ZNF76: variants seen among roughly 807,000 people sequenced by gnomAD.
ZNF76 encodes zinc finger protein 76.
Under a neutral mutation model 66.9 loss-of-function variants are expected in ZNF76, and 66 were observed. The observed-to-expected ratio is 0.99, with a 90% confidence interval of 0.81 to 1.21. The LOEUF (loss-of-function observed/expected upper bound fraction) is 1.21, where lower values mean the gene tolerates loss of function less well. Ranked by LOEUF, ZNF76 falls within the 50% of genes most tolerant of loss-of-function variation. The pLI, the probability that ZNF76 is intolerant of heterozygous loss-of-function variation, is 0.00. For synonymous variants in ZNF76, 275 were observed against 296.1 expected, an observed-to-expected ratio of 0.93 and a Z score of 0.73; for missense variants, 729 against 760.3, an observed-to-expected ratio of 0.96 and a Z score of 0.48.
intron 1 of ZNF76, among the ~76,000 whole-genome samples, chr6:35,275,980 G>A (rs1199644613): frequency 6.6e-6 from 1 of 152,180 alleles, no homozygotes; most frequent in Non-Finnish European, 1.5e-5. Context: ...AGAAGTATGG[G>A]CTCTGGGGCC....
intron 1 of ZNF76, among the ~76,000 whole-genome samples, chr6:35,276,587 T>G (rs1297312790): frequency 6.6e-6 from 1 of 152,182 alleles, no homozygotes; most frequent in African/African-American, 2.4e-5. Flanking sequence ...AACCCAGACC[T>G]GACTTCAGAG....
chr6:35,290,777 CT>C lies in ZNF76; in HGVS notation c.625+62del. The C allele has an allele frequency of 2.6e-6, 4 of 1,531,198 alleles. No homozygotes were observed. In the South Asian group the frequency reaches 4.5e-5, roughly 17 times the overall value. 94.9% of individuals were successfully genotyped at this position (1,531,198 alleles called of 1,614,324 possible). On this transcript the variant is annotated intron_variant, in intron 7 of 13. Transcript: ENST00000373953. ...GGAGGGTTCTCGTTCTGTTTGGGAC[CT>C]CTCTGAAGGGAACCCAACACCAGGC...
chr6:35,263,368 T>C lies in ZNF76; in HGVS notation c.-97+3527T>C, dbSNP rs540481681. On this transcript the variant is annotated intron_variant, in intron 1 of 13. Coordinates refer to ENST00000373953, the MANE Select transcript of ZNF76 (RefSeq NM_003427.5). ...GTAGAATGCTTTGGGTGTCAGCTTC[T>C]GCAGGCACTGAATTAGCCCCATTGT... Among the ~76,000 whole-genome samples, 7 of 152,328 alleles carry C rather than the reference T, an allele frequency of 4.6e-5. No homozygotes were observed. In the South Asian group the frequency reaches 1.4e-3, roughly 32 times the overall value.
Position 35,291,366 on chromosome 6 carries a change from C to G in ZNF76, c.714C>G (p.Thr238=). Residue 238 remains threonine (T), a synonymous_variant, in exon 8 of 14, where the codon ACC becomes ACG. Coordinates refer to ENST00000373953, the MANE Select transcript of ZNF76 (RefSeq NM_003427.5). The stretch of plus-strand genomic sequence containing the variant: ...AGCTGTGCAGCAAGGCCTTCAAGAC[C>G]TCAGGAGACCTGCAGAAGCATGTCC... ...PEELCSKAFK[T]SGDLQKHVRT... 6.2e-7 allele frequency: 1 copy of G among 1,614,138 alleles called. No individual in the cohort carries two copies. Among genetic ancestry groups the G allele is most frequent in the Non-Finnish European group, 8.5e-7 (1 of 1,180,008 alleles).
chr6:35,293,663 T>A, intron 11 of ZNF76, 88 bp from the exon 12 acceptor site: 3 of 1,467,476 alleles, frequency 2.0e-6, no homozygotes, highest in Non-Finnish European at 2.8e-6. Context: ...AAGCTGACCT[T>A]GTCTGGGAGA....
chr6:35,260,088 G>A (rs1012507712), intron 1 of ZNF76, among the ~76,000 whole-genome samples: 1 of 143,234 alleles, frequency 7.0e-6, no homozygotes, highest in Non-Finnish European at 1.5e-5. Flanking sequence ...CCACCCTTGT[G>A]ACCCCACACC....
intron 2 of ZNF76, among the ~76,000 whole-genome samples, chr6:35,284,699 C>G (rs1463352966): frequency 6.6e-6 from 1 of 151,624 alleles, no homozygotes. Flanking sequence ...CCGTGCCCAG[C>G]CTTTTTATTT....
At chr6:35,285,463 C>T (rs1175213402) in intron 2 of ZNF76, among the ~76,000 whole-genome samples, 3 of 152,274 alleles carry the variant, frequency 2.0e-5, no homozygotes, top group Non-Finnish European at 2.9e-5. Context: ...TTTTTATATT[C>T]GTTAACTCAT....
chr6:35,265,024 T>G (rs909999721), intron 1 of ZNF76, among the ~76,000 whole-genome samples: 1 of 152,134 alleles, frequency 6.6e-6, no homozygotes, highest in Non-Finnish European at 1.5e-5. Context: ...GGTATATATA[T>G]TCATTCATTC....
chr6:35,284,795 C>A (rs1345741598), intron 2 of ZNF76, among the ~76,000 whole-genome samples: 3 of 152,172 alleles, frequency 2.0e-5, no homozygotes, highest in African/African-American at 7.2e-5. Context: ...ACTGCAACTT[C>A]TGCCTCCTGG....
At chr6:35,271,714 G>T (rs997398531) in intron 1 of ZNF76, among the ~76,000 whole-genome samples, 5 of 151,084 alleles carry the variant, frequency 3.3e-5, no homozygotes, top group African/African-American at 1.2e-4. Context: ...CAGATTCCCT[G>T]AAGATCAACA....
intron 1 of ZNF76, chr6:35,279,425 T>C (rs1230603301): frequency 7.1e-6 from 1 of 140,864 alleles, no homozygotes; most frequent in African/African-American, 2.7e-5. Context: ...TCAATTTTTT[T>C]TTTTTTTTTT....
At position 35,295,472 on chromosome 6, in the gene ZNF76, A is replaced by T; in HGVS notation, c.*224A>T. The T allele has an allele frequency of 1.8e-6, 1 of 564,036 alleles. No individual in the cohort carries two copies. Among genetic ancestry groups the T allele is most frequent in the Non-Finnish European group, 3.3e-6 (1 of 306,040 alleles). The allele number at this position is 564,036 out of a possible 1,614,324, so 34.9% of individuals were successfully genotyped here. On this transcript the variant is annotated 3_prime_UTR_variant, in exon 14 of 14. Transcript: ENST00000373953. ...GGGAGTGCATCATCCTCGGGAGCTG[A>T]CAACAGCCAGGCTACACCAGGGCAC...
intron 1 of ZNF76, among the ~76,000 whole-genome samples, chr6:35,263,672 T>C (rs918338536): frequency 5.3e-5 from 8 of 152,226 alleles, no homozygotes; most frequent in Non-Finnish European, 7.3e-5. Context: ...ACAGAACTTA[T>C]TCTGCCTTGT....
At chr6:35,276,639 C>T (rs1238510821) in intron 1 of ZNF76, among the ~76,000 whole-genome samples, 1 of 152,124 alleles carries the variant, frequency 6.6e-6, no homozygotes, top group Non-Finnish European at 1.5e-5. Context: ...TTAGAAAGTC[C>T]CAGTGGAGTG....
intron 13 of ZNF76, 187 bp downstream of exon 13, chr6:35,294,756 G>A: frequency 1.5e-6 from 1 of 648,402 alleles, no homozygotes. Context: ...GAGGCAGAAT[G>A]TTGAAGCCTC....
intron 2 of ZNF76, among the ~76,000 whole-genome samples, chr6:35,282,403 T>G (rs1323291874): frequency 6.6e-6 from 1 of 151,954 alleles, no homozygotes; most frequent in Non-Finnish European, 1.5e-5. Flanking sequence ...GAAATTCAGA[T>G]TTACCTGGGC....
chr6:35,290,421 T>G (rs768987744), intron 6 of ZNF76, 39 bp downstream of exon 6: 1 of 1,607,918 alleles, frequency 6.2e-7, no homozygotes, highest in Non-Finnish European at 8.5e-7. Flanking sequence ...TCTGCAGTCT[T>G]CCCTCCCAGG....
intron 4 of ZNF76, chr6:35,286,816 G>A (rs559143788): frequency 4.3e-5 from 12 of 277,810 alleles, no homozygotes; most frequent in Non-Finnish European, 7.1e-5. Context: ...CATGCCTGGC[G>A]TTGTGTTAGG....
Sources: allele counts gnomAD v4.1 joint callset (sites outside exome capture counted in the v4.1 genomes callset), GRCh38; gene constraint gnomAD v4.1.1; transcripts MANE v1.5; gene names NCBI Gene and HGNC (gene_info 2026-07-23, HGNC 2026-07-21).